The following FRYL variants were observed in gnomAD, a reference collection of about 807,000 sequenced individuals.
FRYL encodes the protein protein furry homolog-like.
A neutral mutation model predicts 351.2 loss-of-function variants in FRYL; 150 were observed. The observed-to-expected ratio is 0.43, with a 90% CI of 0.37 to 0.49. The LOEUF (loss-of-function observed/expected upper bound fraction) is 0.49, where lower values mean the gene tolerates loss of function less well. Among genes scored for constraint, FRYL ranks in the 20% least tolerant of loss-of-function variants. FRYL has a pLI of 0.00. For synonymous variants in FRYL, 1,153 were observed against 1,257.1 expected (o/e 0.92, Z 1.75); for missense variants, 3,036 against 3,619.3 (o/e 0.84, Z 4.13).
chr4:48,676,186 CG>C (rs1454373547), intron 3 of FRYL, among the ~76,000 whole-genome samples: 1 of 152,168 alleles, frequency 6.6e-6, no homozygotes, highest in Non-Finnish European at 1.5e-5. Context: ...GAAACCCACT[CG>C]GGTCCCCTTC....
chr4:48,660,516 AG>A (rs1173196536), intron 3 of FRYL, among the ~76,000 whole-genome samples: 1 of 152,188 alleles, frequency 6.6e-6, no homozygotes, highest in African/African-American at 2.4e-5. Context: ...ATGCCAGGTA[AG>A]GGGGTGCCCA....
chr4:48,574,799 A>ATCTTGTTTT (rs1739231945), intron 25 of FRYL, among the ~76,000 whole-genome samples: 5 of 152,230 alleles, frequency 3.3e-5, no homozygotes, highest in African/African-American at 1.2e-4. Context: ...TTACACATTA[A>ATCTTGTTTT]AAGAATGACT....
chr4:48,529,061 A>T (rs1390109633), intron 50 of FRYL, among the ~76,000 whole-genome samples: 3 of 152,134 alleles, frequency 2.0e-5, no homozygotes, highest in African/African-American at 7.2e-5. Flanking sequence ...CACACCAGCA[A>T]AACTGAGCTT....
At chr4:48,724,722 A>T (rs1277971532) in intron 1 of FRYL, among the ~76,000 whole-genome samples, 1 of 152,214 alleles carries the variant, frequency 6.6e-6, no homozygotes, top group Non-Finnish European at 1.5e-5. Flanking sequence ...GCATACTTTC[A>T]AACAGTTTAT....
At chr4:48,572,675 T>C (rs1738608233) in intron 26 of FRYL, among the ~76,000 whole-genome samples, 2 of 152,204 alleles carry the variant, frequency 1.3e-5, no homozygotes, top group African/African-American at 4.8e-5. Context: ...AAGGTTTTCA[T>C]AACCATCTGT....
chr4:48,653,907 A>C (rs1478229263), intron 3 of FRYL: 1 of 1,249,242 alleles, frequency 8.0e-7, no homozygotes, highest in African/African-American at 1.6e-5. Flanking sequence ...TCTCACAGGC[A>C]GCAGAGTTTT....
In FRYL at chr4:48,573,243, C is replaced by T; in HGVS notation, c.2847G>A (p.Arg949=). 6.2e-7 allele frequency: 1 copy of T among 1,602,712 alleles called. No individual in the cohort carries two copies. ...GLGRTNPGAF[R]ELIEELHPII... Reference sequence around the variant, plus strand: ...TGGGATGTAATTCCTCTATTAGTTCCCTGGAAGAAAAATGGTACATATTCT... The same window carrying T: ...TGGGATGTAATTCCTCTATTAGTTCTCTGGAAGAAAAATGGTACATATTCT... The change falls in exon 26 of 64, where the codon AGG becomes AGA. Residue 949 remains arginine (R), a splice_region_variant and synonymous_variant. Transcript: ENST00000358350.
chr4:48,508,654 G>C (rs1477007463), intron 59 of FRYL, among the ~76,000 whole-genome samples: 1 of 152,100 alleles, frequency 6.6e-6, no homozygotes, highest in East Asian at 1.9e-4. Flanking sequence ...GGCTTGACTG[G>C]GGAAGCGGCA....
intron 62 of FRYL, 35 bp from the exon 63 acceptor site, chr4:48,500,255 T>A: frequency 7.2e-7 from 1 of 1,385,770 alleles, no homozygotes; most frequent in Non-Finnish European, 9.8e-7. Context: ...TCTATTCGTA[T>A]GTTTGGTAAC....
chr4:48,676,504 C>CAGGA (rs1763705025), intron 3 of FRYL, among the ~76,000 whole-genome samples: 1 of 152,034 alleles, frequency 6.6e-6, no homozygotes, highest in Admixed American at 6.5e-5. Context: ...GCCTCAGCCT[C>CAGGA]CTGAGTAGCT....
rs373251304 is a variant in FRYL, at chr4:48,589,810, T to C, written c.1575A>G (p.Glu525=). 19 of 1,613,676 alleles carry C rather than the reference T, an allele frequency of 1.2e-5. No homozygotes were observed. In the African/African-American group the frequency reaches 2.5e-4, roughly 22 times the overall value. ...LDSILRHLDK[E]VGRPMCMTSV... is the part of the protein sequence containing the mutation. ...TGGTCATACACATTGGTCTCCCAAC[T>C]TCTTTGTCCAAATGTCTGAGGATGC... The change falls in exon 18 of 64, where the codon GAA becomes GAG. Residue 525 remains glutamate (E), a synonymous_variant. Coordinates refer to ENST00000358350, the MANE Select transcript of FRYL (RefSeq NM_015030.2).
chr4:48,592,875 C>T (rs1238430357), intron 16 of FRYL, among the ~76,000 whole-genome samples: 4 of 152,126 alleles, frequency 2.6e-5, no homozygotes, highest in African/African-American at 4.8e-5. Flanking sequence ...CACATAAACA[C>T]ATACCTTAGG....
At chr4:48,749,464 G>C (rs1211094889) in intron 1 of FRYL, among the ~76,000 whole-genome samples, 2 of 152,164 alleles carry the variant, frequency 1.3e-5, no homozygotes, top group Admixed American at 1.3e-4. Flanking sequence ...ATAAATACCT[G>C]TGCTGGCCAT....
intron 42 of FRYL, 28 bp from the exon 43 acceptor site, chr4:48,544,932 C>T (rs1731003202): frequency 6.4e-7 from 1 of 1,574,780 alleles, no homozygotes; most frequent in Non-Finnish European, 8.6e-7. Flanking sequence ...ATGTAATTTC[C>T]TTGGATTTTC....
At chr4:48,609,918 A>G in intron 7 of FRYL, 95 bp from the exon 8 acceptor site, 1 of 576,046 alleles carries the variant, frequency 1.7e-6, no homozygotes, top group Non-Finnish European at 3.0e-6. Context: ...AATCAATCTT[A>G]ATGTTCATGG....
At chr4:48,663,796 A>AAAAG (rs1228926946) in intron 3 of FRYL, among the ~76,000 whole-genome samples, 4 of 150,870 alleles carry the variant, frequency 2.7e-5, no homozygotes, top group African/African-American at 9.8e-5. Flanking sequence ...AAAAAAAAAA[A>AAAAG]AGAGATCCCC....
intron 40 of FRYL, among the ~76,000 whole-genome samples, chr4:48,548,246 T>A (rs1431537231): frequency 1.3e-5 from 2 of 152,132 alleles, no homozygotes; most frequent in East Asian, 3.9e-4. Flanking sequence ...ATATGGTAGA[T>A]CCCACATGTT....
Position 48,586,614 on chromosome 4 carries a change from C to A in FRYL, c.1748+7G>T. 6.3e-7 allele frequency: 1 copy of A among 1,576,660 alleles called. No homozygotes were observed. Among genetic ancestry groups the A allele is most frequent in the South Asian group, 1.1e-5 (1 of 90,160 alleles). The stretch of plus-strand genomic sequence containing the variant: ...AAACAATATAGCAAACAGTAATTCT[C>A]ATTTACCTTGCTAACAATTCAATCA... On this transcript the variant is annotated splice_region_variant and intron_variant, in intron 19 of 63. Coordinates refer to ENST00000358350, the MANE Select transcript of FRYL (RefSeq NM_015030.2).
chr4:48,502,711 C>G (rs1719980309), intron 61 of FRYL, 117 bp downstream of exon 61: 2 of 711,932 alleles, frequency 2.8e-6, no homozygotes, highest in Admixed American at 5.2e-5. Context: ...GAAGCACATA[C>G]TACTTGTAAA....
Sources: allele counts gnomAD v4.1 joint callset (sites outside exome capture counted in the v4.1 genomes callset), GRCh38; gene constraint gnomAD v4.1.1; transcripts MANE v1.5; gene names NCBI Gene and HGNC (gene_info 2026-07-23, HGNC 2026-07-21).